CFAP206: variants seen among roughly 807,000 people sequenced by gnomAD.
CFAP206 encodes the protein cilia- and flagella-associated protein 206.
CFAP206 carries 53 observed loss-of-function variants against 65.4 expected under a neutral mutation model. That is an observed-to-expected ratio of 0.81 (90% CI 0.65 to 1.02). CFAP206 has a LOEUF of 1.02. CFAP206 is among the 50% of genes least tolerant of loss of function. The pLI, the probability that CFAP206 is intolerant of heterozygous loss-of-function variation, is 0.00. For synonymous variants in CFAP206, 250 were observed against 254.4 expected (o/e 0.98, Z 0.17); for missense variants, 663 against 753.2 (o/e 0.88, Z 1.40).
At chr6:87,440,106 A>G (rs1768340289) in intron 11 of CFAP206, among the ~76,000 whole-genome samples, 1 of 152,180 alleles carries the variant, frequency 6.6e-6, no homozygotes, top group Admixed American at 6.6e-5. Flanking sequence ...CATTTTTACA[A>G]CATTGAGTCT....
intron 11 of CFAP206, among the ~76,000 whole-genome samples, chr6:87,446,210 G>A (rs1768438680): frequency 6.6e-6 from 1 of 152,268 alleles, no homozygotes; most frequent in Admixed American, 6.5e-5. Context: ...AGTTTAATTA[G>A]ATCCCATTCA....
chr6:87,413,369 C>T (rs1288798741), intron 3 of CFAP206, among the ~76,000 whole-genome samples: 2 of 152,110 alleles, frequency 1.3e-5, no homozygotes, highest in Non-Finnish European at 2.9e-5. Flanking sequence ...TGAAATAACT[C>T]AGAAAGTAAA....
chr6:87,431,149 GC>G lies in CFAP206; in HGVS notation c.1277del (p.Ala426GlufsTer16). 1 of 1,613,812 alleles carries G rather than the reference GC, an allele frequency of 6.2e-7. No individual in the cohort carries two copies. Among genetic ancestry groups the G allele is most frequent in the Non-Finnish European group, 8.5e-7 (1 of 1,179,864 alleles). ...YRGFCAYTFA[A>X]TDGLLLPGNP... ...GGGATTTTGTGCTTACACGTTTGCT[GC>G]AACAGATGGTCTTCTCCTTCCAGGT... On this transcript the variant is annotated frameshift_variant, in exon 10 of 13. Transcript: ENST00000369562. LOFTEE classifies it high-confidence loss of function.
chr6:87,443,482 G>C (rs1768388459), intron 11 of CFAP206, among the ~76,000 whole-genome samples: 1 of 151,562 alleles, frequency 6.6e-6, no homozygotes, highest in South Asian at 2.1e-4. Flanking sequence ...CCTTTATCTA[G>C]TTCCTTCATT....
chr6:87,454,469 A>T (rs934736443), intron 11 of CFAP206, among the ~76,000 whole-genome samples: 2 of 152,206 alleles, frequency 1.3e-5, no homozygotes, highest in African/African-American at 4.8e-5. Flanking sequence ...CAAGGATAAG[A>T]CCATATGTTA....
chr6:87,459,943 T>TAG (rs1768715490), intron 11 of CFAP206, among the ~76,000 whole-genome samples: 1 of 152,250 alleles, frequency 6.6e-6, no homozygotes, highest in Admixed American at 6.5e-5. Context: ...AAATGAGTTT[T>TAG]ATCTCTGTCT....
At chr6:87,459,670 G>A (rs191196622) in intron 11 of CFAP206, among the ~76,000 whole-genome samples, 31 of 152,250 alleles carry the variant, frequency 2.0e-4, no homozygotes, top group Admixed American at 5.9e-4. Context: ...TCAGTTGAAC[G>A]TCTACAGACA....
At chr6:87,410,702 C>A in intron 3 of CFAP206, 34 bp downstream of exon 3, 1 of 1,494,818 alleles carries the variant, frequency 6.7e-7, no homozygotes, top group Non-Finnish European at 9.3e-7. Context: ...TTTGCAATTA[C>A]TTATTCTCAG....
chr6:87,423,528 C>T (rs1407006964), intron 7 of CFAP206, among the ~76,000 whole-genome samples: 2 of 152,210 alleles, frequency 1.3e-5, no homozygotes, highest in East Asian at 1.9e-4. Flanking sequence ...GGATTACAGG[C>T]GTGAGCCACC....
chr6:87,445,847 C>G (rs1768433316), intron 11 of CFAP206, among the ~76,000 whole-genome samples: 1 of 152,180 alleles, frequency 6.6e-6, no homozygotes, highest in Non-Finnish European at 1.5e-5. Context: ...GCTATTTCTT[C>G]ACAGCCTCAC....
intron 11 of CFAP206, among the ~76,000 whole-genome samples, chr6:87,458,324 C>A (rs764720878): frequency 6.6e-6 from 1 of 152,036 alleles, no homozygotes; most frequent in South Asian, 2.1e-4. Flanking sequence ...TAGGTATATA[C>A]CCAAAAGAAA....
intron 11 of CFAP206, among the ~76,000 whole-genome samples, chr6:87,448,899 C>T (rs917742717): frequency 6.6e-6 from 1 of 151,976 alleles, no homozygotes; most frequent in Non-Finnish European, 1.5e-5. Context: ...TTTCTTTATT[C>T]TCCTGTTGGT....
At chr6:87,423,868 TA>T in intron 7 of CFAP206, among the ~76,000 whole-genome samples, 1 of 140,844 alleles carries the variant, frequency 7.1e-6, no homozygotes, top group East Asian at 1.9e-4. Flanking sequence ...CATTTATGAA[TA>T]AAAATTTGTT....
At position 87,431,107 on chromosome 6, in the gene CFAP206, C is replaced by T. The variant is rs1190498543; in HGVS notation, c.1234C>T (p.Leu412=). ...FPETTANFDK[L]LIQYRGFCAY... ...AGAAACAACAGCAAATTTTGATAAACTGTTAATTCAATATCGGGGATTTTG... is the reference window on the plus strand; with the variant it reads ...AGAAACAACAGCAAATTTTGATAAATTGTTAATTCAATATCGGGGATTTTG... The change falls in exon 10 of 13, where the codon CTG becomes TTG. Residue 412 remains leucine (L), a synonymous_variant. Coordinates refer to ENST00000369562, the MANE Select transcript of CFAP206 (RefSeq NM_001031743.3). The T allele has an allele frequency of 6.2e-7, 1 of 1,613,830 alleles. No homozygotes were observed. The highest frequency in any genetic ancestry group is 8.5e-7 in the Non-Finnish European group (1 of 1,179,892).
rs756870628 is a variant in CFAP206 at position 87,428,770 on chromosome 6, C to T, written c.1105C>T (p.His369Tyr). Reference protein sequence around the residue: ...LYFPERVMQCHLNGATVKTDV... With the variant: ...LYFPERVMQCYLNGATVKTDV... ...CTTTCCTGAGAGAGTGATGCAATGT[C>T]ATCTTAATGGAGCGACTGTGAAAAC... The change falls in exon 9 of 13, where the codon CAT becomes TAT. Residue 369 changes from histidine (H) to tyrosine (Y), a missense_variant. His to Tyr is a moderately conservative substitution (Grantham distance 83). Coordinates refer to ENST00000369562, the MANE Select transcript of CFAP206 (RefSeq NM_001031743.3). The T allele has an allele frequency of 3.7e-6, 6 of 1,614,044 alleles. No individual in the cohort carries two copies. The highest frequency in any genetic ancestry group is 5.1e-6 in the Non-Finnish European group (6 of 1,179,970).
intron 7 of CFAP206, 68 bp downstream of exon 7, chr6:87,418,484 G>A (rs1767876721): frequency 7.6e-7 from 1 of 1,321,964 alleles, no homozygotes; most frequent in Admixed American, 1.7e-5. Flanking sequence ...GCCACATCAG[G>A]TAGAACCAGG....
At chr6:87,419,674 C>T (rs1308799247) in intron 7 of CFAP206, among the ~76,000 whole-genome samples, 1 of 152,160 alleles carries the variant, frequency 6.6e-6, no homozygotes, top group African/African-American at 2.4e-5. Context: ...TTCTGACCAC[C>T]TCTTCTTTTT....
At chr6:87,432,338 T>A (rs1768173939) in intron 10 of CFAP206, among the ~76,000 whole-genome samples, 1 of 152,108 alleles carries the variant, frequency 6.6e-6, no homozygotes, top group Admixed American at 6.5e-5. Flanking sequence ...AAAGTAATAT[T>A]CTGAGGCCCA....
chr6:87,446,783 C>T (rs964664432), intron 11 of CFAP206, among the ~76,000 whole-genome samples: 3 of 152,084 alleles, frequency 2.0e-5, no homozygotes, highest in African/African-American at 7.2e-5. Context: ...TTACTATGGG[C>T]AGTATGGCCA....
Sources: gnomAD v4.1 joint callset for allele counts (sites outside exome capture counted in the v4.1 genomes callset) on GRCh38, gnomAD v4.1.1 for gene constraint, MANE v1.5 for transcripts, NCBI Gene and HGNC (gene_info 2026-07-23, HGNC 2026-07-21) for gene names.